The following NOD2 variants were observed in gnomAD, a reference collection of about 807,000 sequenced individuals.
NOD2 encodes the protein nucleotide-binding oligomerization domain-containing protein 2.
Under a neutral mutation model 90.9 loss-of-function variants are expected in NOD2, and 86 were observed. The ratio of observed to expected loss-of-function variants is 0.95; its 90% CI spans 0.79 to 1.13. The LOEUF is 1.13. Ranked by LOEUF, NOD2 falls within the 50% of genes most tolerant of loss-of-function variation. The probability of loss-of-function intolerance (pLI) is 0.00; values close to 1 mark genes in which losing one functional copy is unlikely to be tolerated. For synonymous variants in NOD2, 581 were observed against 554.6 expected (o/e 1.05, Z -0.67); for missense variants, 1,238 against 1,283.8 (o/e 0.96, Z 0.55).
At chr16:50,722,484 C>A (rs537691097) in intron 7 of NOD2, 138 bp from the exon 8 acceptor site, 20 of 847,504 alleles carry the variant, frequency 2.4e-5, no homozygotes, top group Non-Finnish European at 3.9e-5. Context: ...GACCAGGAGC[C>A]CCAGTGAGGC....
At chr16:50,697,184 C>A in intron 1 of NOD2, 5 of 1,399,862 alleles carry the variant, frequency 3.6e-6, no homozygotes, top group Non-Finnish European at 5.0e-6. Flanking sequence ...GGGCTTTTGG[C>A]GTTCTGCACA....
At chr16:50,720,411 C>A (rs559013429) in intron 7 of NOD2, among the ~76,000 whole-genome samples, 1 of 152,208 alleles carries the variant, frequency 6.6e-6, no homozygotes, top group East Asian at 1.9e-4. Context: ...AAAAGCTTCC[C>A]AGGGGATGTA....
At chr16:50,727,916 C>A (rs150406622) in intron 10 of NOD2, 255 of 282,428 alleles carry the variant, frequency 9.0e-4, no homozygotes, top group Non-Finnish European at 1.4e-3. Context: ...TGCGAATTTG[C>A]CTTTGGGAAG....
chr16:50,726,714 C>T (rs1175009310), intron 10 of NOD2, among the ~76,000 whole-genome samples: 2 of 152,186 alleles, frequency 1.3e-5, no homozygotes, highest in African/African-American at 4.8e-5. Context: ...GCCACCCTGT[C>T]ATCAGCCTTA....
chr16:50,712,771 G>A (rs1964599861), intron 4 of NOD2: 1 of 296,110 alleles, frequency 3.4e-6, no homozygotes, highest in South Asian at 3.4e-5. Context: ...CCTCCCACCA[G>A]TCTATGGATA....
chr16:50,723,377 G>T lies in NOD2; in HGVS notation c.2794G>T (p.Glu932Ter). The T allele has an allele frequency of 1.2e-6, 2 of 1,613,802 alleles. No homozygotes were observed. The highest frequency in any genetic ancestry group is 1.1e-5 in the South Asian group (1 of 91,060). Residue 932 changes from glutamate to a stop codon, truncating the protein, a stop_gained, in exon 9 of 12, where the codon GAA becomes TAA. Coordinates refer to ENST00000647318, the MANE Select transcript of NOD2 (RefSeq NM_001370466.1). LOFTEE classifies it high-confidence loss of function. ...LMLAKNVMLEELCLEENHLQD... is the reference protein window; with the variant it reads ...LMLAKNVMLE ...GCTGGCAAAGAACGTCATGCTAGAA[G>T]AACTCTGGTGAGTTTGGGGGATTCT...
chr16:50,721,505 A>T (rs1480949230), intron 7 of NOD2, among the ~76,000 whole-genome samples: 1 of 150,812 alleles, frequency 6.6e-6, no homozygotes, highest in Non-Finnish European at 1.5e-5. Flanking sequence ...TTTTACTAAT[A>T]TTTACAGAAA....
chr16:50,726,775 T>C (rs1204772415), intron 10 of NOD2, among the ~76,000 whole-genome samples: 3 of 152,244 alleles, frequency 2.0e-5, no homozygotes, highest in Non-Finnish European at 4.4e-5. Flanking sequence ...GAACTTCTGA[T>C]ATATCTTTTA....
intron 7 of NOD2, among the ~76,000 whole-genome samples, chr16:50,722,047 A>G (rs937233915): frequency 6.6e-6 from 1 of 152,210 alleles, no homozygotes; most frequent in Non-Finnish European, 1.5e-5. Context: ...GAATACAGTC[A>G]ATAAGTCAGA....
chr16:50,724,262 G>A lies in NOD2; in HGVS notation c.2801+878G>A, dbSNP rs187513655. ...ATGGATGGACCTTGGCTGTTGCAGGGCTTACTAGCTCTACTCAAGTATGAT... is the reference window on the plus strand; with the variant it reads ...ATGGATGGACCTTGGCTGTTGCAGGACTTACTAGCTCTACTCAAGTATGAT... On this transcript the variant is annotated intron_variant, in intron 9 of 11. Coordinates refer to ENST00000647318, the MANE Select transcript of NOD2 (RefSeq NM_001370466.1). 4.6e-5 allele frequency among the ~76,000 whole-genome samples: 7 copies of A among 152,294 alleles called. No individual in the cohort carries two copies. In the East Asian group the frequency reaches 1.4e-3, roughly 29 times the overall value.
At chr16:50,707,773 T>C in intron 2 of NOD2, 82 bp from the exon 3 acceptor site, 3 of 928,328 alleles carry the variant, frequency 3.2e-6, no homozygotes, top group Non-Finnish European at 5.4e-6. Context: ...GAGATGCTTA[T>C]GAAGTTGCAG....
At chr16:50,707,275 C>T (rs11642646) in intron 2 of NOD2, among the ~76,000 whole-genome samples, 1 of 151,950 alleles carries the variant, frequency 6.6e-6, no homozygotes, top group Non-Finnish European at 1.5e-5. Flanking sequence ...TCCAAGACTT[C>T]GGGGCAGAGC....
chr16:50,701,252 T>G (rs1364363311), intron 2 of NOD2, among the ~76,000 whole-genome samples: 3 of 152,258 alleles, frequency 2.0e-5, no homozygotes, highest in Non-Finnish European at 4.4e-5. Context: ...CGGTAGGTAC[T>G]CCATAAACAT....
intron 11 of NOD2, among the ~76,000 whole-genome samples, chr16:50,730,961 G>T (rs1053481806): frequency 6.6e-6 from 1 of 152,210 alleles, no homozygotes; most frequent in African/African-American, 2.4e-5. Context: ...CACTTTGGGA[G>T]GCTGAGGCAG....
chr16:50,710,066 C>G (rs937486853), intron 3 of NOD2: 1 of 452,644 alleles, frequency 2.2e-6, no homozygotes. Context: ...GCCCTTTGTT[C>G]CCCTTTAGAA....
rs1023182567 is a variant in NOD2 at position 50,731,925 on chromosome 16, T to C, written c.*106T>C. On this transcript the variant is annotated 3_prime_UTR_variant, in exon 12 of 12. Transcript: ENST00000647318. The stretch of plus-strand genomic sequence containing the variant: ...GGCAGCCTCTTCAAAATGAGCCCTG[T>C]CCTGCCTAAGGCTGAACTTGTTTTC... 6.0e-5 allele frequency: 50 copies of C among 833,328 alleles called. No homozygotes were observed. In the African/African-American group the frequency reaches 8.2e-4, roughly 14 times the overall value. The allele number at this position is 833,328 out of a possible 1,614,324, so 51.6% of individuals were successfully genotyped here. A position where few individuals can be genotyped will look rare whatever the true frequency, so the allele number is the denominator to read the frequency against.
chr16:50,725,376 A>T, intron 9 of NOD2, 113 bp from the exon 10 acceptor site: 1 of 780,390 alleles, frequency 1.3e-6, no homozygotes, highest in Non-Finnish European at 2.3e-6. Flanking sequence ...TTCTTTCTTT[A>T]TCCATGAGTT....
intron 3 of NOD2, among the ~76,000 whole-genome samples, chr16:50,709,498 G>C (rs1398021672): frequency 2.6e-5 from 4 of 152,150 alleles, no homozygotes; most frequent in African/African-American, 4.8e-5. Flanking sequence ...ATTACTTTCA[G>C]GATGAGAAAG....
Position 50,729,860 on chromosome 16 carries a change from C to T in NOD2, c.2928C>T (p.Leu976=), listed in dbSNP as rs1235918308. Residue 976 remains leucine, a synonymous_variant, in exon 11 of 12, where the codon CTC becomes CTT. Coordinates refer to ENST00000647318, the MANE Select transcript of NOD2 (RefSeq NM_001370466.1). The stretch of plus-strand genomic sequence containing the variant: ...TCACCTACCTAGGGGCAGAAGCCCT[C>T]CTGCAGGCCCTTGAAAGGAATGACA... The part of the protein sequence containing the change: ...NCITYLGAEA[L]LQALERNDTI... 6.2e-7 allele frequency: 1 copy of T among 1,613,136 alleles called. No homozygotes were observed. Among genetic ancestry groups the T allele is most frequent in the Non-Finnish European group, 8.5e-7 (1 of 1,179,270 alleles).
Sources: allele counts gnomAD v4.1 joint callset (sites outside exome capture counted in the v4.1 genomes callset), GRCh38; gene constraint gnomAD v4.1.1; transcripts MANE v1.5; gene names NCBI Gene and HGNC (gene_info 2026-07-23, HGNC 2026-07-21).